Variants in DOCK11 observed in about 807,000 individuals in gnomAD.
DOCK11 encodes dedicator of cytokinesis protein 11.
A neutral mutation model predicts 169.1 loss-of-function variants in DOCK11; 70 were observed. That is an observed-to-expected ratio of 0.41 (90% CI 0.34 to 0.51). The LOEUF (loss-of-function observed/expected upper bound fraction) is 0.51, where lower values mean the gene tolerates loss of function less well. Among genes scored for constraint, DOCK11 ranks in the 20% least tolerant of loss-of-function variants. The pLI is 0.10. For missense variants in DOCK11, 1,166 were observed against 1,538.8 expected (o/e 0.76, Z 4.05); for synonymous variants, 529 against 541.3 (o/e 0.98, Z 0.32).
intron 1 of DOCK11, among the ~76,000 whole-genome samples, chrX:118,523,992 T>C (rs1417011277): frequency 6.3e-5 from 7 of 111,789 alleles, no homozygotes; most frequent in African/African-American, 2.3e-4. Context: ...TGTGAGAAGT[T>C]TGGAAGTTTG....
intron 12 of DOCK11, among the ~76,000 whole-genome samples, chrX:118,576,711 GC>G (rs1430667655): frequency 2.5e-4 from 28 of 112,519 alleles, no homozygotes; most frequent in African/African-American, 9.0e-4. Context: ...AAAACAGCAA[GC>G]TTTTATCAAT....
At chrX:118,550,646 A>G (rs1398752335) in intron 6 of DOCK11, among the ~76,000 whole-genome samples, 3 of 111,228 alleles carry the variant, frequency 2.7e-5, no homozygotes, top group Non-Finnish European at 1.9e-5. Context: ...GTCCAGGCCT[A>G]TGAACAAAGG....
intron 13 of DOCK11, among the ~76,000 whole-genome samples, chrX:118,579,395 T>C (rs1388044681): frequency 2.0e-5 from 2 of 100,444 alleles, no homozygotes; most frequent in African/African-American, 7.9e-5. Context: ...AGTTCATTAG[T>C]AGCACTCCAG....
At chrX:118,582,219 C>T (rs1332578703) in intron 14 of DOCK11, among the ~76,000 whole-genome samples, 1 of 111,799 alleles carries the variant, frequency 8.9e-6, no homozygotes, top group Non-Finnish European at 1.9e-5. Context: ...GTACTGTTAT[C>T]CCTGTCTTTG....
chrX:118,510,077 G>A (rs1806528913), intron 1 of DOCK11, among the ~76,000 whole-genome samples: 1 of 112,094 alleles, frequency 8.9e-6, no homozygotes, highest in South Asian at 3.7e-4. Context: ...ATTTAATCAT[G>A]CCTGCAAAGT....
chrX:118,679,636 A>G (rs2016692476), intron 48 of DOCK11, among the ~76,000 whole-genome samples: 2 of 110,976 alleles, frequency 1.8e-5, no homozygotes, highest in African/African-American at 6.6e-5. Context: ...CTACACGGGA[A>G]GCTGAAGTGG....
intron 20 of DOCK11, 109 bp downstream of exon 20, chrX:118,593,446 C>A (rs755548289): frequency 9.3e-6 from 7 of 753,515 alleles, no homozygotes; most frequent in Non-Finnish European, 1.1e-5. Flanking sequence ...TGACCAAAAA[C>A]CACTGTATTA....
intron 1 of DOCK11, among the ~76,000 whole-genome samples, chrX:118,529,224 C>T (rs995048366): frequency 8.1e-5 from 9 of 111,262 alleles, no homozygotes; most frequent in South Asian, 3.7e-4. Context: ...CCTTGTGATC[C>T]GCCTGCCTTG....
chrX:118,643,293 TTTGA>T (rs1332964026), intron 39 of DOCK11, among the ~76,000 whole-genome samples, 160 bp from the exon 40 acceptor site: 1 of 111,863 alleles, frequency 8.9e-6, no homozygotes, highest in Non-Finnish European at 1.9e-5. Flanking sequence ...GTAGTAGTTG[TTTGA>T]GATTTCCAAG....
chrX:118,600,465 G>A (rs1000439930), intron 23 of DOCK11, among the ~76,000 whole-genome samples: 1 of 109,026 alleles, frequency 9.2e-6, no homozygotes, highest in African/African-American at 3.3e-5. Flanking sequence ...GATAGTAATC[G>A]TTCATGCCAC....
chrX:118,629,919 C>T (rs1173269727), intron 34 of DOCK11, among the ~76,000 whole-genome samples: 1 of 104,611 alleles, frequency 9.6e-6, no homozygotes, highest in African/African-American at 3.5e-5. Flanking sequence ...CGTCCCAAAA[C>T]GCTGGGTCTA....
At chrX:118,517,990 G>C (rs1300987667) in intron 1 of DOCK11, among the ~76,000 whole-genome samples, 1 of 111,573 alleles carries the variant, frequency 9.0e-6, no homozygotes, top group Non-Finnish European at 1.9e-5. Context: ...ATGTATCTCA[G>C]GTTGTTGATA....
rs372488910 is a variant in DOCK11, at chrX:118,605,230, A to C, written c.2563-8A>C. ...TTGTTTTCATAACTAATAATGACTT[A>C]ATTTTAGTGTTTGCATGCCATGGAG... On this transcript the variant is annotated splice_polypyrimidine_tract_variant and splice_region_variant and intron_variant, in intron 23 of 52. Coordinates refer to ENST00000276202, the MANE Select transcript of DOCK11 (RefSeq NM_144658.4). The C allele has an allele frequency of 4.6e-4, 519 of 1,118,873 alleles. No homozygotes were observed. The highest frequency in any genetic ancestry group is 5.9e-4 in the Non-Finnish European group (493 of 833,552). The allele number at this position is 1,118,873 out of a possible 1,213,427, so 92.2% of individuals were successfully genotyped here.
intron 36 of DOCK11, among the ~76,000 whole-genome samples, chrX:118,637,428 A>T: frequency 8.9e-6 from 1 of 111,826 alleles, no homozygotes; most frequent in Non-Finnish European, 1.9e-5. Context: ...AAATTGCCCC[A>T]ATTTTTAGTG....
Position 118,610,333 on chromosome X carries a change from C to A in DOCK11, c.3011C>A (p.Ala1004Glu), listed in dbSNP as rs774031371. 4 of 1,208,875 alleles carry A rather than the reference C, an allele frequency of 3.3e-6. No individual in the cohort carries two copies. Among genetic ancestry groups the A allele is most frequent in the Non-Finnish European group, 4.5e-6 (4 of 894,449 alleles). Residue 1004 changes from alanine to glutamate, a missense_variant, in exon 28 of 53, where the codon GCA becomes GAA. Ala to Glu is a moderately radical substitution (Grantham distance 107). Coordinates refer to ENST00000276202, the MANE Select transcript of DOCK11 (RefSeq NM_144658.4). Reference sequence around the variant, plus strand: ...CATGTCTTACATTCACTGCTTCTTGCAATAATTCCCCATGTGACTATTCGG... The same window carrying A: ...CATGTCTTACATTCACTGCTTCTTGAAATAATTCCCCATGTGACTATTCGG... ...YHHVLHSLLLAIIPHVTIRYA... is the reference protein window; with the variant it reads ...YHHVLHSLLLEIIPHVTIRYA...
chrX:118,659,283 C>T (rs1221073552), intron 44 of DOCK11, among the ~76,000 whole-genome samples: 1 of 109,392 alleles, frequency 9.1e-6, no homozygotes, highest in Non-Finnish European at 1.9e-5. Flanking sequence ...GAACAGCAGT[C>T]AGGAATACAG....
intron 1 of DOCK11, among the ~76,000 whole-genome samples, chrX:118,517,633 A>G (rs948805783): frequency 2.7e-5 from 3 of 110,744 alleles, no homozygotes; most frequent in African/African-American, 9.8e-5. Flanking sequence ...TATTATTAAG[A>G]TAATTTTTCC....
intron 46 of DOCK11, among the ~76,000 whole-genome samples, chrX:118,674,784 A>G (rs185470921): frequency 1.9e-4 from 21 of 112,276 alleles, no homozygotes; most frequent in Non-Finnish European, 3.8e-4. Context: ...CATTTCGATC[A>G]TCAGTGTTCT....
chrX:118,636,201 C>T (rs1488491508), intron 35 of DOCK11, 145 bp from the exon 36 acceptor site: 31 of 309,763 alleles, frequency 1.0e-4, no homozygotes, highest in Non-Finnish European at 1.5e-4. Context: ...GTGTATACTG[C>T]GCAGTGGGAG....
Sources: gnomAD v4.1 joint callset for allele counts (sites outside exome capture counted in the v4.1 genomes callset) on GRCh38, gnomAD v4.1.1 for gene constraint, MANE v1.5 for transcripts, NCBI Gene and HGNC (gene_info 2026-07-23, HGNC 2026-07-21) for gene names.